FGGY: variants seen among roughly 807,000 people sequenced by gnomAD.
The protein encoded by FGGY is FGGY carbohydrate kinase domain-containing protein.
Under a neutral mutation model 71.3 loss-of-function variants are expected in FGGY, and 72 were observed. That is an observed-to-expected ratio of 1.01 (90% CI 0.84 to 1.23). FGGY has a LOEUF of 1.23. Ranked by LOEUF, FGGY falls within the 50% of genes most tolerant of loss-of-function variation. The pLI is 0.00. For missense variants in FGGY, 668 were observed against 682.3 expected (o/e 0.98, Z 0.23); for synonymous variants, 251 against 250.3 (o/e 1.00, Z -0.02).
chr1:59,387,670 C>A (rs1474894302), intron 5 of FGGY, among the ~76,000 whole-genome samples: 1 of 152,120 alleles, frequency 6.6e-6, no homozygotes, highest in Non-Finnish European at 1.5e-5. Flanking sequence ...CACCCTTATA[C>A]CTTTTACCTA....
intron 8 of FGGY, among the ~76,000 whole-genome samples, chr1:59,563,130 T>G (rs2095819732): frequency 1.3e-5 from 2 of 152,184 alleles, no homozygotes; most frequent in African/African-American, 4.8e-5. Context: ...CTTCCAATAG[T>G]ATGTTGAATA....
At chr1:59,746,103 T>C (rs1488517575) in intron 14 of FGGY, among the ~76,000 whole-genome samples, 1 of 152,094 alleles carries the variant, frequency 6.6e-6, no homozygotes, top group Admixed American at 6.6e-5. Flanking sequence ...AACCTCCAGG[T>C]AGATAGGGAG....
In FGGY at chr1:59,701,932, C is replaced by T. The variant is rs114335395; in HGVS notation, c.1512+27799C>T. 4.3e-3 allele frequency among the ~76,000 whole-genome samples: 652 copies of T among 152,102 alleles called. 12 individuals are homozygous for T. The highest frequency in any genetic ancestry group is 0.015 in the African/African-American group (620 of 41,478). Reference sequence around the variant, plus strand: ...GCTCATGAAATGGAGATTGTATTAGCGTGTTTTTACACTGCTATAAAGATA... The same window carrying T: ...GCTCATGAAATGGAGATTGTATTAGTGTGTTTTTACACTGCTATAAAGATA... On this transcript the variant is annotated intron_variant, in intron 14 of 15. Transcript: ENST00000303721.
chr1:59,344,900 CTG>C (rs2051492042), intron 3 of FGGY, among the ~76,000 whole-genome samples: 1 of 152,140 alleles, frequency 6.6e-6, no homozygotes, highest in African/African-American at 2.4e-5. Context: ...AGGGCTGACT[CTG>C]TGTTTTAAAG....
intron 13 of FGGY, among the ~76,000 whole-genome samples, chr1:59,673,203 A>G (rs998152683): frequency 2.0e-5 from 3 of 152,220 alleles, no homozygotes; most frequent in Non-Finnish European, 1.5e-5. Context: ...GGAAGGTGGG[A>G]TGAAGCAGTT....
At chr1:59,316,124 T>C (rs2045413243) in intron 1 of FGGY, 1 of 152,260 alleles carries the variant, frequency 6.6e-6, no homozygotes, top group Non-Finnish European at 1.5e-5. Context: ...TCATTGTTCA[T>C]CTTTTTTCTT....
chr1:59,717,452 A>G (rs1486306389), intron 14 of FGGY, among the ~76,000 whole-genome samples: 1 of 152,214 alleles, frequency 6.6e-6, no homozygotes, highest in Admixed American at 6.5e-5. Context: ...ATAGGATACC[A>G]TAATGAAAAG....
chr1:59,677,066 G>T (rs1264878897), intron 14 of FGGY, among the ~76,000 whole-genome samples: 1 of 152,136 alleles, frequency 6.6e-6, no homozygotes, highest in Non-Finnish European at 1.5e-5. Flanking sequence ...TCATTAGAAT[G>T]ATAAAATATT....
chr1:59,672,932 A>G (rs2097395436), intron 13 of FGGY, among the ~76,000 whole-genome samples: 2 of 152,142 alleles, frequency 1.3e-5, no homozygotes, highest in Admixed American at 1.3e-4. Context: ...GGGCATTGGC[A>G]TATGGAGGGC....
chr1:59,561,366 GTTTTGAAAACAAAGTATATGCTAGGCA>G (rs1195414664), intron 8 of FGGY, among the ~76,000 whole-genome samples: 1 of 152,170 alleles, frequency 6.6e-6, no homozygotes, highest in Non-Finnish European at 1.5e-5. Context: ...CAGACTGCAT[GTTTTGAAAACAAAGTATATGCTAGGCA>G]TTGATTCGGC....
chr1:59,413,080 C>T (rs552302272), intron 5 of FGGY, among the ~76,000 whole-genome samples: 1 of 152,356 alleles, frequency 6.6e-6, no homozygotes, highest in East Asian at 1.9e-4. Flanking sequence ...GGAATGCCCT[C>T]TCTGACTTAC....
intron 2 of FGGY, among the ~76,000 whole-genome samples, chr1:59,323,174 CTTCTT>C (rs1158660686): frequency 6.6e-6 from 1 of 152,208 alleles, no homozygotes; most frequent in Non-Finnish European, 1.5e-5. Flanking sequence ...GGCCTTCTTT[CTTCTT>C]TTAACATACA....
intron 7 of FGGY, among the ~76,000 whole-genome samples, chr1:59,546,537 T>TGA (rs1370467988): frequency 1.2e-3 from 149 of 119,348 alleles, no homozygotes; most frequent in Non-Finnish European, 2.0e-3. Context: ...ATGATGATGA[T>TGA]TATTATTATT....
chr1:59,337,066 T>TAG (rs1413530035), intron 2 of FGGY, among the ~76,000 whole-genome samples: 2 of 148,806 alleles, frequency 1.3e-5, no homozygotes, highest in African/African-American at 4.9e-5. Flanking sequence ...TATATATATA[T>TAG]ATGAAAGAAA....
chr1:59,468,894 G>T (rs961713457), intron 6 of FGGY, among the ~76,000 whole-genome samples: 1 of 144,376 alleles, frequency 6.9e-6, no homozygotes, highest in Non-Finnish European at 1.5e-5. Flanking sequence ...AAAAAAAAAA[G>T]GATCTTGACT....
At chr1:59,688,936 G>T (rs2097567170) in intron 14 of FGGY, among the ~76,000 whole-genome samples, 1 of 152,056 alleles carries the variant, frequency 6.6e-6, no homozygotes. Flanking sequence ...TTTTAGTAGA[G>T]ACAGGATTTC....
intron 7 of FGGY, among the ~76,000 whole-genome samples, chr1:59,546,511 G>GATT (rs1491434884): frequency 6.8e-6 from 1 of 146,194 alleles, no homozygotes; most frequent in Non-Finnish European, 1.5e-5. Flanking sequence ...TGATGATGAT[G>GATT]ATGATGATGA....
intron 14 of FGGY, among the ~76,000 whole-genome samples, chr1:59,709,654 C>T (rs562808193): frequency 3.3e-5 from 5 of 152,312 alleles, no homozygotes; most frequent in African/African-American, 9.6e-5. Context: ...CATTTAGAGG[C>T]AAGCACCTAT....
chr1:59,500,468 A>G (rs546087451), intron 6 of FGGY, among the ~76,000 whole-genome samples: 4 of 152,214 alleles, frequency 2.6e-5, no homozygotes, highest in South Asian at 2.1e-4. Context: ...ATAGGAATAA[A>G]TGATCTCAAA....
Sources: gnomAD v4.1 joint callset for allele counts (sites outside exome capture counted in the v4.1 genomes callset) on GRCh38, gnomAD v4.1.1 for gene constraint, MANE v1.5 for transcripts, NCBI Gene and HGNC (gene_info 2026-07-23, HGNC 2026-07-21) for gene names.